The following DPF3 variants were observed in gnomAD, a reference collection of about 807,000 sequenced individuals.
The protein encoded by DPF3 is double PHD fingers 3.
In DPF3, 18 loss-of-function variants were observed where a neutral mutation model predicts 56.8. That is an observed-to-expected ratio of 0.32 (90% CI 0.22 to 0.47). The LOEUF (loss-of-function observed/expected upper bound fraction) is 0.47. Ranked by LOEUF, DPF3 falls within the 20% of genes least tolerant of loss-of-function variation. The probability of loss-of-function intolerance (pLI) is 1.00; values close to 1 mark genes in which losing one functional copy is unlikely to be tolerated. For missense variants in DPF3, 403 were observed against 488.8 expected, an observed-to-expected ratio of 0.82 and a Z score of 1.65; for synonymous variants, 188 against 180.2, an observed-to-expected ratio of 1.04 and a Z score of -0.35.
intron 1 of DPF3, among the ~76,000 whole-genome samples, chr14:72,853,031 T>TTGTGTGTGTGTGTGTG (rs1358702920): frequency 7.7e-5 from 4 of 51,864 alleles, no homozygotes; most frequent in African/African-American, 1.9e-4. Context: ...TGCCATAGCC[T>TTGTGTGTGTGTGTGTG]TGCGTGTGTG....
At chr14:72,670,251 T>G in intron 8 of DPF3, 7 of 985,958 alleles carry the variant, frequency 7.1e-6, no homozygotes, top group Non-Finnish European at 8.4e-6. Context: ...GTGGAGTCAC[T>G]GCTGAGCCCA....
At chr14:72,690,236 G>A (rs1041252532) in intron 7 of DPF3, among the ~76,000 whole-genome samples, 1 of 152,176 alleles carries the variant, frequency 6.6e-6, no homozygotes, top group African/African-American at 2.4e-5. Flanking sequence ...AGGCTGTGTG[G>A]CCTCAAGGGG....
intron 9 of DPF3, among the ~76,000 whole-genome samples, chr14:72,624,637 C>T (rs976154233): frequency 1.3e-5 from 2 of 152,210 alleles, no homozygotes; most frequent in Non-Finnish European, 2.9e-5. Context: ...CCACGCCCGG[C>T]CCCCAACCTA....
chr14:72,674,350 C>T lies in DPF3; in HGVS notation c.761G>A (p.Gly254Glu). Residue 254 changes from glycine (G) to glutamate (E), a missense_variant, in exon 8 of 11, where the codon GGA becomes GAA. By Grantham distance (98) the Gly-to-Glu change is moderately conservative. Transcript: ENST00000556509. ...ACAGTAGTTATTGGGAATGACTGTT[C>T]CATCCGGTCCTTTCTGGGCTGTGGG... is the stretch of plus-strand genomic sequence containing the variant. ...ENHRPQKGPD[G>E]TVIPNNYCDF... is the part of the protein sequence containing the mutation. 1 of 1,612,816 alleles carries T rather than the reference C, an allele frequency of 6.2e-7. No individual in the cohort carries two copies. The highest frequency in any genetic ancestry group is 8.5e-7 in the Non-Finnish European group (1 of 1,179,532).
intron 9 of DPF3, among the ~76,000 whole-genome samples, chr14:72,628,910 T>A (rs1364423552): frequency 6.6e-6 from 1 of 152,202 alleles, no homozygotes; most frequent in Admixed American, 6.5e-5. Context: ...TATGTGTTAT[T>A]TAAAGAAGCT....
intron 1 of DPF3, among the ~76,000 whole-genome samples, chr14:72,775,624 C>T (rs1891714717): frequency 6.6e-6 from 1 of 152,152 alleles, no homozygotes; most frequent in Non-Finnish European, 1.5e-5. Context: ...TGATACCTGT[C>T]TTATGTAAAC....
chr14:72,625,078 G>C (rs888030091), intron 9 of DPF3, among the ~76,000 whole-genome samples: 1 of 152,092 alleles, frequency 6.6e-6, no homozygotes, highest in Non-Finnish European at 1.5e-5. Flanking sequence ...CTCAACAAGA[G>C]AAATAGGATA....
intron 3 of DPF3, among the ~76,000 whole-genome samples, chr14:72,742,136 A>T (rs531140371): frequency 1.3e-5 from 2 of 152,236 alleles, no homozygotes; most frequent in Non-Finnish European, 2.9e-5. Context: ...CGCCCTGCCC[A>T]CCTCGCTCCA....
intron 8 of DPF3, among the ~76,000 whole-genome samples, chr14:72,660,579 C>A (rs1886177013): frequency 6.6e-6 from 1 of 152,242 alleles, no homozygotes; most frequent in South Asian, 2.1e-4. Context: ...ACCAACAGCA[C>A]CTTCCAGGCA....
chr14:72,773,112 T>C (rs182062274), intron 1 of DPF3, among the ~76,000 whole-genome samples: 385 of 144,982 alleles, frequency 2.7e-3, no homozygotes, highest in African/African-American at 9.4e-3. Context: ...AAAAGCAAAA[T>C]TGGGGTGTTG....
At chr14:72,885,081 G>A (rs1213798982) in intron 1 of DPF3, among the ~76,000 whole-genome samples, 15 of 143,268 alleles carry the variant, frequency 1.0e-4, no homozygotes, top group African/African-American at 3.3e-4. Context: ...AGCCGAGATC[G>A]CGACACTGCA....
intron 2 of DPF3, among the ~76,000 whole-genome samples, chr14:72,768,994 T>G (rs1222680023): frequency 6.6e-6 from 1 of 151,294 alleles, no homozygotes; most frequent in East Asian, 1.9e-4. Context: ...AATAAGTAAT[T>G]ACATCAATAT....
intron 1 of DPF3, among the ~76,000 whole-genome samples, chr14:72,883,779 T>G (rs1224563741): frequency 1.3e-5 from 2 of 151,908 alleles, no homozygotes; most frequent in Admixed American, 1.3e-4. Context: ...AATACAAAAA[T>G]TAGCTGGGTG....
chr14:72,674,217 G>C, intron 8 of DPF3, 23 bp downstream of exon 8: 2 of 1,607,068 alleles, frequency 1.2e-6, no homozygotes, highest in South Asian at 2.2e-5. Context: ...CGGGCACCCG[G>C]TGTGGGAAGG....
chr14:72,765,719 G>T (rs959216980), intron 2 of DPF3, among the ~76,000 whole-genome samples: 1 of 152,208 alleles, frequency 6.6e-6, no homozygotes, highest in Non-Finnish European at 1.5e-5. Context: ...AGGCCGAGGC[G>T]GGTGGATCAC....
intron 2 of DPF3, among the ~76,000 whole-genome samples, chr14:72,768,472 A>C (rs1207264117): frequency 6.6e-6 from 1 of 152,246 alleles, no homozygotes; most frequent in African/African-American, 2.4e-5. Context: ...AAAATGGCAT[A>C]AAGCTACATA....
At chr14:72,766,042 A>C (rs1301091094) in intron 2 of DPF3, among the ~76,000 whole-genome samples, 1 of 152,228 alleles carries the variant, frequency 6.6e-6, no homozygotes, top group Non-Finnish European at 1.5e-5. Context: ...TTCTAAACAC[A>C]TAGGAAACCT....
Position 72,729,729 on chromosome 14 carries a change from A to G in DPF3, c.429+2078T>C, listed in dbSNP as rs373236132. 7.2e-5 allele frequency among the ~76,000 whole-genome samples: 11 copies of G among 152,316 alleles called. No individual in the cohort carries two copies. The East Asian group carries it at 1.5e-3, about 21-fold the overall frequency. ...ATGACATCCTGGAAGAGGCAAAACT[A>G]TGGAGACGGGGAAACGGCCAGTGGT... On this transcript the variant is annotated intron_variant, in intron 4 of 10. Coordinates refer to ENST00000556509, the MANE Select transcript of DPF3 (RefSeq NM_001280542.3).
rs142710247 is a variant in DPF3 at position 72,748,332 on chromosome 14, A to G, written c.301+4932T>C. Among the ~76,000 whole-genome samples, 3 of 152,338 alleles carry G rather than the reference A, an allele frequency of 2.0e-5. No homozygotes were observed. The East Asian group carries it at 5.8e-4, about 29-fold the overall frequency. ...ATTTGTGGAATGTTGAACTTGAGAG[A>G]GATGATTTAGGGTATCTGGTGGAAA... On this transcript the variant is annotated intron_variant, in intron 3 of 10. Transcript: ENST00000556509.
Sources: gnomAD v4.1 joint callset for allele counts (sites outside exome capture counted in the v4.1 genomes callset) on GRCh38, gnomAD v4.1.1 for gene constraint, MANE v1.5 for transcripts, NCBI Gene and HGNC (gene_info 2026-07-23, HGNC 2026-07-21) for gene names.